Variants in METTL15 observed in about 807,000 individuals in gnomAD.
METTL15 encodes the protein 12S rRNA N(4)-cytidine methyltransferase METTL15.
In METTL15, 34 loss-of-function variants were observed where a neutral mutation model predicts 38.3. The observed-to-expected ratio is 0.89, with a 90% CI of 0.68 to 1.18. The LOEUF (loss-of-function observed/expected upper bound fraction) is 1.18, where lower values mean the gene tolerates loss of function less well. METTL15 is among the 50% of genes most tolerant of loss of function. The probability of loss-of-function intolerance (pLI) is 0.00; values close to 1 mark genes in which losing one functional copy is unlikely to be tolerated. For missense variants in METTL15, 438 were observed against 498.4 expected, an observed-to-expected ratio of 0.88 and a Z score of 1.15; for synonymous variants, 162 against 170.9, an observed-to-expected ratio of 0.95 and a Z score of 0.41.
chr11:28,309,558 C>T (rs749394168), intron 6 of METTL15, among the ~76,000 whole-genome samples: 1 of 152,154 alleles, frequency 6.6e-6, no homozygotes, highest in Non-Finnish European at 1.5e-5. Flanking sequence ...CCCCGCAACC[C>T]ATGGTCCAGA....
chr11:28,296,965 A>G, intron 6 of METTL15, 34 bp downstream of exon 6: 2 of 1,609,982 alleles, frequency 1.2e-6, no homozygotes, highest in Admixed American at 1.7e-5. Context: ...TGTCTAAGAG[A>G]AAAAATTATA....
At chr11:28,328,274 C>T (rs1029965072) in intron 6 of METTL15, 9 of 1,063,086 alleles carry the variant, frequency 8.5e-6, no homozygotes, top group Non-Finnish European at 1.1e-5. Flanking sequence ...AGACTTTTGG[C>T]AAAGTAATTT....
Position 28,378,622 on chromosome 11 carries a change from C to G in METTL15, c.*358+16586C>G, listed in dbSNP as rs899670231. Among the ~76,000 whole-genome samples, 20 of 152,294 alleles carry G rather than the reference C, an allele frequency of 1.3e-4. 1 individual carries two copies. In the South Asian group the frequency reaches 3.7e-3, roughly 28 times the overall value. ...TGCAGAAATCACCCTTCTTCTGCGTCGCTCAGGCTGGGAGCTGTAGACAGG... is the reference window on the plus strand; with the variant it reads ...TGCAGAAATCACCCTTCTTCTGCGTGGCTCAGGCTGGGAGCTGTAGACAGG... On this transcript the variant is annotated intron_variant and NMD_transcript_variant, in intron 5 of 7. Coordinates refer to the METTL15 transcript ENST00000532947.
At chr11:28,464,848 C>T (rs1370646243) in intron 6 of METTL15, among the ~76,000 whole-genome samples, 4 of 152,136 alleles carry the variant, frequency 2.6e-5, no homozygotes, top group Admixed American at 6.5e-5. Flanking sequence ...TTGCCTTATA[C>T]AAAAAGATAA....
At chr11:28,162,117 A>G (rs1276702633) in intron 3 of METTL15, among the ~76,000 whole-genome samples, 1 of 152,138 alleles carries the variant, frequency 6.6e-6, no homozygotes, top group Non-Finnish European at 1.5e-5. Flanking sequence ...CTTCTTGCAG[A>G]TGAAACTGCT....
intron 6 of METTL15, among the ~76,000 whole-genome samples, chr11:28,326,043 C>T (rs913881967): frequency 6.6e-6 from 1 of 152,154 alleles, no homozygotes; most frequent in Non-Finnish European, 1.5e-5. Context: ...TCCATCTTAC[C>T]TACTCTATTC....
chr11:28,235,368 T>A (rs1024760837), intron 4 of METTL15, among the ~76,000 whole-genome samples: 1 of 151,994 alleles, frequency 6.6e-6, no homozygotes, highest in Non-Finnish European at 1.5e-5. Context: ...TTGATGGGGA[T>A]GGCATTGAAT....
chr11:28,387,346 T>C (rs909832337), intron 5 of METTL15, among the ~76,000 whole-genome samples: 3 of 150,688 alleles, frequency 2.0e-5, no homozygotes, highest in African/African-American at 7.3e-5. Context: ...ACACCAGAAA[T>C]GAAAAAGGAG....
chr11:28,171,971 AT>A (rs998172961), intron 3 of METTL15, among the ~76,000 whole-genome samples: 29 of 149,636 alleles, frequency 1.9e-4, no homozygotes, highest in African/African-American at 3.4e-4. Context: ...GTCTTGAAAA[AT>A]TTTTTTTTTG....
At chr11:28,427,704 G>A (rs546011337) in intron 6 of METTL15, among the ~76,000 whole-genome samples, 2 of 152,296 alleles carry the variant, frequency 1.3e-5, no homozygotes, top group Admixed American at 1.3e-4. Context: ...AATTGGGAAT[G>A]GGAGTTCATT....
At chr11:28,378,899 A>G (rs1320128406) in intron 5 of METTL15, among the ~76,000 whole-genome samples, 1 of 150,778 alleles carries the variant, frequency 6.6e-6, no homozygotes, top group African/African-American at 2.4e-5. Flanking sequence ...TTATCTCATT[A>G]CTAGTTATTC....
chr11:28,494,307 T>G (rs544205735), intron 6 of METTL15, among the ~76,000 whole-genome samples: 1 of 152,170 alleles, frequency 6.6e-6, no homozygotes, highest in Non-Finnish European at 1.5e-5. Context: ...CTTGAGCTGT[T>G]AAAGGTTTTT....
chr11:28,328,562 C>G (rs898126421), intron 6 of METTL15, among the ~76,000 whole-genome samples: 38 of 152,036 alleles, frequency 2.5e-4, no homozygotes, highest in African/African-American at 9.2e-4. Flanking sequence ...AAGAACAAAT[C>G]TGTACTAGAA....
At chr11:28,388,061 A>G (rs1372370222) in intron 5 of METTL15, among the ~76,000 whole-genome samples, 6 of 152,072 alleles carry the variant, frequency 3.9e-5, no homozygotes, top group African/African-American at 1.4e-4. Context: ...AACATAATAA[A>G]TGCCATATAT....
intron 4 of METTL15, among the ~76,000 whole-genome samples, chr11:28,355,279 A>C (rs950804915): frequency 1.3e-5 from 2 of 152,254 alleles, no homozygotes; most frequent in African/African-American, 2.4e-5. Context: ...CTTTGCAAAA[A>C]TTAATACATT....
In METTL15 at chr11:28,524,628, T is replaced by A. The variant is rs376041971; in HGVS notation, c.*425-1850T>A. Among the ~76,000 whole-genome samples, 14 of 152,178 alleles carry A rather than the reference T, an allele frequency of 9.2e-5. No homozygotes were observed. In the East Asian group the frequency reaches 1.3e-3, roughly 15 times the overall value. ...CAAGAAAGTGTCTGTGGAAATTGCATTTAAACTGAGTCCTCAAAAATGGAA... is the reference window on the plus strand; with the variant it reads ...CAAGAAAGTGTCTGTGGAAATTGCAATTAAACTGAGTCCTCAAAAATGGAA... On this transcript the variant is annotated intron_variant and NMD_transcript_variant, in intron 6 of 7. Transcript: ENST00000532947.
At chr11:28,353,894 C>T (rs1006826850) in intron 4 of METTL15, among the ~76,000 whole-genome samples, 10 of 145,438 alleles carry the variant, frequency 6.9e-5, no homozygotes, top group Non-Finnish European at 1.2e-4. Flanking sequence ...CACTGCAGTC[C>T]GCAGTCCGGC....
intron 6 of METTL15, among the ~76,000 whole-genome samples, chr11:28,317,911 T>C (rs1363103922): frequency 1.3e-5 from 2 of 152,190 alleles, no homozygotes; most frequent in Admixed American, 1.3e-4. Context: ...TGGTAGAATA[T>C]TTCTGGAGGT....
At chr11:28,485,336 C>T (rs1851429963) in intron 6 of METTL15, among the ~76,000 whole-genome samples, 1 of 152,162 alleles carries the variant, frequency 6.6e-6, no homozygotes, top group Non-Finnish European at 1.5e-5. Flanking sequence ...CACTATGTGC[C>T]AGGCACTGTT....
Sources: gnomAD v4.1 joint callset for allele counts (sites outside exome capture counted in the v4.1 genomes callset) on GRCh38, gnomAD v4.1.1 for gene constraint, MANE v1.5 for transcripts, NCBI Gene and HGNC (gene_info 2026-07-23, HGNC 2026-07-21) for gene names.